UBE2Q2: variants seen among roughly 807,000 people sequenced by gnomAD.
UBE2Q2 encodes the protein ubiquitin conjugating enzyme E2 Q2.
UBE2Q2 carries 54 observed loss-of-function variants against 59.9 expected under a neutral mutation model. The observed-to-expected ratio is 0.90, with a 90% confidence interval of 0.72 to 1.13. The LOEUF is 1.13. Ranked by LOEUF, UBE2Q2 falls within the 50% of genes most tolerant of loss-of-function variation. UBE2Q2 has a pLI of 0.00. For missense variants in UBE2Q2, 433 were observed against 441.9 expected (o/e 0.98, Z 0.18); for synonymous variants, 165 against 155.2 (o/e 1.06, Z -0.47).
intron 8 of UBE2Q2, 76 bp from the exon 9 acceptor site, chr15:75,883,290 T>G: frequency 7.6e-7 from 1 of 1,314,474 alleles, no homozygotes; most frequent in Non-Finnish European, 1.1e-6. Context: ...CTTTATAGTA[T>G]CTTTTAAAAT....
rs766057535 is a variant in UBE2Q2, at chr15:75,854,463, A to C, written c.258A>C (p.Leu86=). ...ATCTGACATCAGTTCTGGAACGTCT[A>C]GAAGATACTAAGAACAACAATTTGG... ...DPNLTSVLER[L]EDTKNNNLLR... The change falls in exon 2 of 13, where the codon CTA becomes CTC. Residue 86 remains leucine, a synonymous_variant. Transcript: ENST00000267938. 6.2e-7 allele frequency: 1 copy of C among 1,612,064 alleles called. No individual in the cohort carries two copies. The highest frequency in any genetic ancestry group is 8.5e-7 in the Non-Finnish European group (1 of 1,178,916).
intron 11 of UBE2Q2, among the ~76,000 whole-genome samples, chr15:75,893,107 T>A (rs536243428): frequency 6.6e-6 from 1 of 152,130 alleles, no homozygotes; most frequent in Admixed American, 6.5e-5. Context: ...GTGAGAGAAA[T>A]AGAAGTTGTA....
chr15:75,879,266 G>T, intron 8 of UBE2Q2, 78 bp downstream of exon 8: 1 of 843,816 alleles, frequency 1.2e-6, no homozygotes, highest in Non-Finnish European at 1.8e-6. Context: ...AAAACAATTT[G>T]GTAAAGTAGA....
chr15:75,864,668 A>G (rs185002440), intron 3 of UBE2Q2, among the ~76,000 whole-genome samples: 1 of 151,026 alleles, frequency 6.6e-6, no homozygotes, highest in Admixed American at 6.6e-5. Flanking sequence ...TCATATTCAC[A>G]TGTGGCTATA....
intron 3 of UBE2Q2, among the ~76,000 whole-genome samples, chr15:75,868,254 T>C (rs1056328697): frequency 1.3e-5 from 2 of 152,206 alleles, no homozygotes; most frequent in African/African-American, 4.8e-5. Flanking sequence ...ATAAACAGTG[T>C]CCTGGCGAGG....
intron 2 of UBE2Q2, among the ~76,000 whole-genome samples, chr15:75,857,798 G>A (rs779743732): frequency 6.7e-6 from 1 of 149,962 alleles, no homozygotes; most frequent in Non-Finnish European, 1.5e-5. Flanking sequence ...ATAAGAGCAT[G>A]TGCAGATTTC....
At chr15:75,850,804 CTTTGGTTTATGTAAG>C (rs1896599369) in intron 1 of UBE2Q2, among the ~76,000 whole-genome samples, 1 of 152,146 alleles carries the variant, frequency 6.6e-6, no homozygotes, top group African/African-American at 2.4e-5. Context: ...CACTTAAGGG[CTTTGGTTTATGTAAG>C]TTACGTCTAT....
chr15:75,846,616 T>A (rs1896364664), intron 1 of UBE2Q2, among the ~76,000 whole-genome samples: 1 of 152,120 alleles, frequency 6.6e-6, no homozygotes, highest in Non-Finnish European at 1.5e-5. Flanking sequence ...AAGGGAAAAA[T>A]GGGGTTGGAT....
intron 3 of UBE2Q2, among the ~76,000 whole-genome samples, chr15:75,868,197 A>G (rs927655419): frequency 1.3e-4 from 20 of 152,266 alleles, no homozygotes; most frequent in African/African-American, 4.8e-4. Flanking sequence ...TCTTTTACAT[A>G]TTCTGTGTTC....
chr15:75,843,800 G>T lies in UBE2Q2; in HGVS notation c.134G>T (p.Ser45Ile), dbSNP rs142623228. The stretch of plus-strand genomic sequence containing the variant: ...CAGTTCCTGGTGCCGCAGCAGGGCA[G>T]CCCGCACTCGCTGCCGCCGCCACTC... ...HCQFLVPQQG[S>I]PHSLPPPLTL... Residue 45 changes from serine to isoleucine, a missense_variant, in exon 1 of 13, where the codon AGC becomes ATC. Transcript: ENST00000267938. 3.1e-6 allele frequency: 5 copies of T among 1,604,308 alleles called. No individual in the cohort carries two copies. The African/African-American group carries it at 4.0e-5, about 13-fold the overall frequency.
chr15:75,855,058 C>T (rs1896830172), intron 2 of UBE2Q2, among the ~76,000 whole-genome samples: 1 of 152,128 alleles, frequency 6.6e-6, no homozygotes, highest in Admixed American at 6.5e-5. Context: ...CATAATTTCT[C>T]TACCTAATAT....
At chr15:75,848,347 A>T (rs1381117912) in intron 1 of UBE2Q2, among the ~76,000 whole-genome samples, 3 of 152,228 alleles carry the variant, frequency 2.0e-5, no homozygotes, top group Admixed American at 1.3e-4. Context: ...GTACAAAGGA[A>T]ATAAACCTGG....
intron 1 of UBE2Q2, chr15:75,844,647 A>G (rs1953568163): frequency 1.4e-6 from 1 of 697,672 alleles, no homozygotes; most frequent in Non-Finnish European, 2.3e-6. Flanking sequence ...CGGAAATCTC[A>G]TTAGAAACCC....
chr15:75,876,107 C>A, intron 5 of UBE2Q2, 80 bp from the exon 6 acceptor site: 1 of 1,153,690 alleles, frequency 8.7e-7, no homozygotes, highest in Non-Finnish European at 1.2e-6. Flanking sequence ...TCCATTTTTG[C>A]TGTAATCTTT....
chr15:75,854,467 G>A lies in UBE2Q2; in HGVS notation c.262G>A (p.Asp88Asn). 6.2e-7 allele frequency: 1 copy of A among 1,610,940 alleles called. No individual in the cohort carries two copies. Among genetic ancestry groups the A allele is most frequent in the Non-Finnish European group, 8.5e-7 (1 of 1,178,354 alleles). The change falls in exon 2 of 13, where the codon GAT becomes AAT. Residue 88 changes from aspartate to asparagine, a missense_variant. Coordinates refer to ENST00000267938, the MANE Select transcript of UBE2Q2 (RefSeq NM_173469.4). ...NLTSVLERLEDTKNNNLLRQQ... is the reference protein window; with the variant it reads ...NLTSVLERLENTKNNNLLRQQ... Reference sequence around the variant, plus strand: ...GACATCAGTTCTGGAACGTCTAGAAGATACTAAGAACAACAATTTGGTAAG... The same window carrying A: ...GACATCAGTTCTGGAACGTCTAGAAAATACTAAGAACAACAATTTGGTAAG...
intron 1 of UBE2Q2, among the ~76,000 whole-genome samples, chr15:75,853,492 A>T (rs1318658884): frequency 2.4e-5 from 3 of 125,486 alleles, no homozygotes; most frequent in Non-Finnish European, 3.1e-5. Context: ...AAAAAAAATT[A>T]TATATATATA....
At chr15:75,888,936 TC>T (rs894944734) in intron 9 of UBE2Q2, among the ~76,000 whole-genome samples, 20 of 152,326 alleles carry the variant, frequency 1.3e-4, no homozygotes, top group African/African-American at 4.8e-4. Flanking sequence ...ACTGTAGACT[TC>T]CTTTTCCCGA....
At chr15:75,862,814 C>CAAAAAAAAAAAAAAAAA (rs71140182) in intron 3 of UBE2Q2, among the ~76,000 whole-genome samples, 1 of 53,924 alleles carries the variant, frequency 1.9e-5, no homozygotes, top group Non-Finnish European at 3.5e-5. Flanking sequence ...AACCCTATCT[C>CAAAAAAAAAAAAAAAAA]AAAAAAAAAA....
In UBE2Q2 at chr15:75,900,911, G is replaced by C. The variant is rs1282877643; in HGVS notation, c.*1453G>C. 6.6e-6 allele frequency: 1 copy of C among 152,600 alleles called. No homozygotes were observed. Among genetic ancestry groups the C allele is most frequent in the Non-Finnish European group, 1.5e-5 (1 of 68,036 alleles). The allele number at this position is 152,600 out of a possible 1,614,324, so 9.5% of individuals were successfully genotyped here. ...TGTTGAATTCTTTAATATCCTGATG[G>C]CAAGCAGACTGATAGCTGCACATTT... is the stretch of plus-strand genomic sequence containing the variant. On this transcript the variant is annotated 3_prime_UTR_variant, in exon 13 of 13. Transcript: ENST00000267938.
Sources: gnomAD v4.1 joint callset for allele counts (sites outside exome capture counted in the v4.1 genomes callset) on GRCh38, gnomAD v4.1.1 for gene constraint, MANE v1.5 for transcripts, NCBI Gene and HGNC (gene_info 2026-07-23, HGNC 2026-07-21) for gene names.